The following ATP10B variants were observed in gnomAD, a reference collection of about 807,000 sequenced individuals.
ATP10B encodes ATPase phospholipid transporting 10B (putative).
A neutral mutation model predicts 141.2 loss-of-function variants in ATP10B; 122 were observed. That is an observed-to-expected ratio of 0.86 (90% CI 0.75 to 1.00). ATP10B has a LOEUF of 1.00. Ranked by LOEUF, ATP10B falls within the 50% of genes least tolerant of loss-of-function variation. The pLI, the probability that ATP10B is intolerant of heterozygous loss-of-function variation, is 0.00. For missense variants in ATP10B, 1,876 were observed against 1,825.3 expected, an observed-to-expected ratio of 1.03 and a Z score of -0.51; for synonymous variants, 685 against 692.0, an observed-to-expected ratio of 0.99 and a Z score of 0.16.
At chr5:160,730,440 G>A (rs890500667) in intron 2 of ATP10B, among the ~76,000 whole-genome samples, 1 of 151,878 alleles carries the variant, frequency 6.6e-6, no homozygotes, top group African/African-American at 2.4e-5. Flanking sequence ...GAATTCATTG[G>A]CCTCCTAATG....
At chr5:160,902,345 T>G in the ATP10B span, among the ~76,000 whole-genome samples, 1 of 152,204 alleles carries the variant, frequency 6.6e-6, no homozygotes, top group South Asian at 2.1e-4. Flanking sequence ...CTTGGAACCC[T>G]ATTTTCTAGG....
chr5:160,927,667 G>A, the ATP10B span, among the ~76,000 whole-genome samples: 1 of 152,308 alleles, frequency 6.6e-6, no homozygotes, highest in Non-Finnish European at 1.5e-5. Flanking sequence ...GCAAGCATTA[G>A]GCAAGCCCCT....
intron 1 of ATP10B, among the ~76,000 whole-genome samples, chr5:160,828,846 G>A (rs1031398589): frequency 6.6e-6 from 1 of 150,728 alleles, no homozygotes; most frequent in Non-Finnish European, 1.5e-5. Context: ...AGAAAATGTG[G>A]CACATATACA....
At chr5:160,842,446 C>A (rs1581639144) in intron 1 of ATP10B, among the ~76,000 whole-genome samples, 1 of 151,772 alleles carries the variant, frequency 6.6e-6, no homozygotes, top group East Asian at 1.9e-4. Flanking sequence ...CGAATGGAAC[C>A]CAACAAATGT....
At chr5:160,773,035 C>CGGAAAT (rs1481727495) in intron 2 of ATP10B, among the ~76,000 whole-genome samples, 3 of 150,894 alleles carry the variant, frequency 2.0e-5, no homozygotes, top group Non-Finnish European at 4.4e-5. Flanking sequence ...GGCTATTTGA[C>CGGAAAT]GGAAATCAGG....
chr5:160,777,067 G>T (rs1413604725), intron 2 of ATP10B, among the ~76,000 whole-genome samples: 1 of 152,164 alleles, frequency 6.6e-6, no homozygotes, highest in Non-Finnish European at 1.5e-5. Context: ...TATAAAGTTG[G>T]GGGAAAGTTT....
chr5:160,861,170 T>A, the ATP10B span, among the ~76,000 whole-genome samples: 1 of 151,924 alleles, frequency 6.6e-6, no homozygotes, highest in Non-Finnish European at 1.5e-5. Context: ...TACTCATGAT[T>A]TTGACTTTGC....
chr5:160,618,042 T>C (rs1160911057), intron 15 of ATP10B, 69 bp from the exon 16 acceptor site: 12 of 1,199,986 alleles, frequency 1.0e-5, no homozygotes, highest in Admixed American at 1.7e-5. Flanking sequence ...CCCAATACCC[T>C]GGAATCTCCT....
chr5:160,851,795 C>T (rs1369578630), intron 1 of ATP10B, 146 bp downstream of exon 1: 2 of 152,096 alleles, frequency 1.3e-5, no homozygotes, highest in African/African-American at 2.4e-5. Flanking sequence ...ATGTGGATCT[C>T]GCACCCAGAA....
chr5:160,709,899 T>C (rs1254860103), intron 3 of ATP10B, among the ~76,000 whole-genome samples: 1 of 112,734 alleles, frequency 8.9e-6, no homozygotes, highest in Non-Finnish European at 1.8e-5. Flanking sequence ...CTGAGAATGA[T>C]GATTTCCAAT....
chr5:160,744,365 C>T (rs547836510), intron 2 of ATP10B, among the ~76,000 whole-genome samples: 1 of 152,310 alleles, frequency 6.6e-6, no homozygotes, highest in East Asian at 1.9e-4. Flanking sequence ...TGGAACAACT[C>T]TCTCCCTTTC....
intron 24 of ATP10B, among the ~76,000 whole-genome samples, chr5:160,576,634 C>T (rs1755206456): frequency 6.6e-6 from 1 of 152,154 alleles, no homozygotes; most frequent in Non-Finnish European, 1.5e-5. Context: ...CCAAGGAAGG[C>T]CTCTTGGAGG....
intron 2 of ATP10B, among the ~76,000 whole-genome samples, chr5:160,730,683 C>G (rs183226260): frequency 2.0e-5 from 3 of 152,112 alleles, no homozygotes; most frequent in Non-Finnish European, 4.4e-5. Flanking sequence ...CCCTCTGGCC[C>G]CCTTGTATAT....
intron 13 of ATP10B, among the ~76,000 whole-genome samples, chr5:160,629,591 C>T (rs1758803104): frequency 6.6e-6 from 1 of 152,200 alleles, no homozygotes; most frequent in African/African-American, 2.4e-5. Context: ...TTTATGACAT[C>T]AGATATGTGA....
intron 8 of ATP10B, among the ~76,000 whole-genome samples, chr5:160,646,026 A>T (rs1760253014): frequency 6.6e-6 from 1 of 152,136 alleles, no homozygotes; most frequent in African/African-American, 2.4e-5. Flanking sequence ...ATTTACTTAC[A>T]TGATTTTGTT....
At position 160,799,748 on chromosome 5, in the gene ATP10B, C is replaced by G. The variant is rs78308712; in HGVS notation, c.-575-13945G>C. 8.0e-3 allele frequency among the ~76,000 whole-genome samples: 1,213 copies of G among 152,264 alleles called. 14 individuals carry two copies. The highest frequency in any genetic ancestry group is 0.028 in the African/African-American group (1,150 of 41,548). ...GCCAAATGGGGAAATAGGGTAGAAG[C>G]TAGAAGGTTCTGGAGTGCACAGCTT... On this transcript the variant is annotated intron_variant, in intron 1 of 25. Transcript: ENST00000327245.
rs150114524 is a variant in ATP10B, at chr5:160,616,655, A to T, written c.2527-691T>A. ...TCCCATTTTAGACCCTCCTGTTGAC[A>T]TTACATGCATATGGTGTCTTATAGC... On this transcript the variant is annotated intron_variant, in intron 16 of 25. Coordinates refer to ENST00000327245, the MANE Select transcript of ATP10B (RefSeq NM_025153.3). 3.6e-3 allele frequency among the ~76,000 whole-genome samples: 553 copies of T among 152,306 alleles called. 1 individual carries two copies. Among genetic ancestry groups the T allele is most frequent in the South Asian group, 0.013 (61 of 4,816 alleles).
At position 160,824,208 on chromosome 5, in the gene ATP10B, G is replaced by C. The variant is rs143936789; in HGVS notation, c.-576+27733C>G. The stretch of plus-strand genomic sequence containing the variant: ...ATTTTTTGTATTTTTAGTAGAGACA[G>C]GGTTTCACCATGTTAGCCAGGATGG... On this transcript the variant is annotated intron_variant, in intron 1 of 25. Transcript: ENST00000327245. Among the ~76,000 whole-genome samples, 915 of 152,072 alleles carry C rather than the reference G, an allele frequency of 6.0e-3. 12 individuals are homozygous for C. Among genetic ancestry groups the C allele is most frequent in the African/African-American group, 0.021 (872 of 41,498 alleles).
intron 6 of ATP10B, among the ~76,000 whole-genome samples, chr5:160,682,329 C>G (rs1264944658): frequency 6.6e-6 from 1 of 152,152 alleles, no homozygotes. Flanking sequence ...TTCTTTGTCA[C>G]TGTTATTCCA....
Sources: allele counts gnomAD v4.1 joint callset (sites outside exome capture counted in the v4.1 genomes callset), GRCh38; gene constraint gnomAD v4.1.1; transcripts MANE v1.5; gene names NCBI Gene and HGNC (gene_info 2026-07-23, HGNC 2026-07-21).